ZNF578: variants seen among roughly 807,000 people sequenced by gnomAD.
The protein encoded by ZNF578 is zinc finger protein 578.
ZNF578 carries 8 observed loss-of-function variants against 8.3 expected under a neutral mutation model. The observed-to-expected ratio is 0.96, with a 90% CI of 0.56 to 1.74. ZNF578 has a LOEUF of 1.74. Among genes scored for constraint, ZNF578 ranks in the 40% most tolerant of loss-of-function variants. The pLI is 0.00. For synonymous variants in ZNF578, 206 were observed against 232.2 expected, an observed-to-expected ratio of 0.89 and a Z score of 1.03; for missense variants, 726 against 707.5, an observed-to-expected ratio of 1.03 and a Z score of -0.30.
intron 5 of ZNF578, among the ~76,000 whole-genome samples, chr19:52,505,411 TG>T (rs869289114): frequency 1.3e-5 from 1 of 75,908 alleles, no homozygotes; most frequent in Admixed American, 1.8e-4. Flanking sequence ...GTTCATTTTT[TG>T]TTTGTTTGTT....
At position 52,515,215 on chromosome 19, in the gene ZNF578, C is replaced by T. The variant is rs1399347696; in HGVS notation, c.*3061C>T. 2.6e-5 allele frequency among the ~76,000 whole-genome samples: 4 copies of T among 152,120 alleles called. No homozygotes were observed. Among genetic ancestry groups the T allele is most frequent in the African/African-American group, 9.6e-5 (4 of 41,508 alleles). On this transcript the variant is annotated 3_prime_UTR_variant, in exon 6 of 6. Transcript: ENST00000421239. The stretch of plus-strand genomic sequence containing the variant: ...CTGACTTCAGGTGATCTGCCCACCT[C>T]GACCTCCCAAAATGCTAGGATTACA...
At chr19:52,503,949 C>G (rs1052404827) in intron 4 of ZNF578, among the ~76,000 whole-genome samples, 3 of 151,980 alleles carry the variant, frequency 2.0e-5, no homozygotes, top group Non-Finnish European at 4.4e-5. Context: ...AGGTCCACAC[C>G]ACGACACCCA....
At chr19:52,494,792 GA>G (rs928762579) in intron 3 of ZNF578, among the ~76,000 whole-genome samples, 4 of 150,156 alleles carry the variant, frequency 2.7e-5, no homozygotes, top group South Asian at 2.1e-4. Flanking sequence ...CAGTGATGTG[GA>G]AAAAAAAATC....
intron 2 of ZNF578, among the ~76,000 whole-genome samples, chr19:52,479,811 T>G (rs1329770492): frequency 6.6e-6 from 1 of 152,224 alleles, no homozygotes; most frequent in African/African-American, 2.4e-5. Flanking sequence ...TTAGAAAATG[T>G]GAAAATATTT....
intron 2 of ZNF578, among the ~76,000 whole-genome samples, chr19:52,470,148 T>G (rs1308142778): frequency 6.6e-6 from 1 of 152,128 alleles, no homozygotes; most frequent in Admixed American, 6.5e-5. Context: ...CTTTCAGCCT[T>G]TGTACCTTTT....
intron 3 of ZNF578, among the ~76,000 whole-genome samples, chr19:52,494,098 T>C (rs1029890203): frequency 6.6e-6 from 1 of 150,868 alleles, no homozygotes; most frequent in Non-Finnish European, 1.5e-5. Flanking sequence ...GGGTACAAAA[T>C]GAGCAGAATC....
At position 52,512,306 on chromosome 19, in the gene ZNF578, C is replaced by T. The variant is rs1346418250; in HGVS notation, c.*152C>T. The stretch of plus-strand genomic sequence containing the variant: ...CAAAGCCTTTAGTGACCAGTCAACA[C>T]TTACCATCAGGCCATTCATGGTGTA... On this transcript the variant is annotated 3_prime_UTR_variant, in exon 6 of 6. Coordinates refer to ENST00000421239, the MANE Select transcript of ZNF578 (RefSeq NM_001099694.2). 2 of 1,551,700 alleles carry T rather than the reference C, an allele frequency of 1.3e-6. No individual in the cohort carries two copies. The highest frequency in any genetic ancestry group is 3.3e-5 in the Admixed American group (2 of 59,886).
At chr19:52,461,595 T>A (rs2059258135) in intron 2 of ZNF578, among the ~76,000 whole-genome samples, 1 of 152,186 alleles carries the variant, frequency 6.6e-6, no homozygotes, top group Non-Finnish European at 1.5e-5. Context: ...ACAGATGTTT[T>A]CACACAAAAC....
intron 5 of ZNF578, among the ~76,000 whole-genome samples, chr19:52,507,738 T>C (rs1043985316): frequency 6.6e-6 from 1 of 152,130 alleles, no homozygotes; most frequent in African/African-American, 2.4e-5. Flanking sequence ...ATGAGCTCTT[T>C]ACTGTCTCTT....
intron 2 of ZNF578, among the ~76,000 whole-genome samples, chr19:52,472,545 CCATCATTT>C (rs1389652270): frequency 1.3e-5 from 2 of 152,168 alleles, no homozygotes; most frequent in African/African-American, 2.4e-5. Context: ...GAGGAGGTGG[CCATCATTT>C]CCCCTGGATG....
In ZNF578 at chr19:52,504,761, A is replaced by G. The variant is rs1321300794; in HGVS notation, c.170A>G (p.Tyr57Cys). 1.9e-6 allele frequency: 3 copies of G among 1,614,024 alleles called. No homozygotes were observed. The highest frequency in any genetic ancestry group is 1.7e-6 in the Non-Finnish European group (2 of 1,180,024). ...ALYREVMLEN[Y>C]RNLEAVDISS... ...TACAGGGAAGTGATGTTGGAGAACT[A>G]CAGGAACCTGGAGGCTGTGGGTGAG... Residue 57 changes from tyrosine to cysteine, a missense_variant, in exon 5 of 6, where the codon TAC (tyrosine) becomes TGC (cysteine). Tyr to Cys is a radical substitution (Grantham distance 194). Coordinates refer to ENST00000421239, the MANE Select transcript of ZNF578 (RefSeq NM_001099694.2).
chr19:52,468,081 T>C (rs2059280945), intron 2 of ZNF578, among the ~76,000 whole-genome samples: 1 of 152,140 alleles, frequency 6.6e-6, no homozygotes, highest in Non-Finnish European at 1.5e-5. Context: ...AAGAAATGCA[T>C]GAAACATAGA....
chr19:52,462,852 T>A (rs1036104589), intron 2 of ZNF578, among the ~76,000 whole-genome samples: 2 of 152,180 alleles, frequency 1.3e-5, no homozygotes, highest in Non-Finnish European at 1.5e-5. Context: ...CCTGGGGAAA[T>A]ACAAGCAAAC....
chr19:52,462,547 C>G (rs1246530842), intron 2 of ZNF578, among the ~76,000 whole-genome samples: 1 of 152,182 alleles, frequency 6.6e-6, no homozygotes, highest in Non-Finnish European at 1.5e-5. Context: ...GGGAGACTTA[C>G]CGTCATAGCA....
Position 52,512,120 on chromosome 19 carries a change from T to A in ZNF578, c.1739T>A (p.Ile580Asn). Reference protein sequence around the residue: ...NECGKAHNHLIDSSIKPCMSS With the variant: ...NECGKAHNHLNDSSIKPCMSS Reference sequence around the variant, plus strand: ...TGTGGTAAGGCTCACAATCACTTGATTGATTCATCAATCAAGCCTTGCATG... The same window carrying A: ...TGTGGTAAGGCTCACAATCACTTGAATGATTCATCAATCAAGCCTTGCATG... Residue 580 changes from isoleucine (I) to asparagine (N), a missense_variant, in exon 6 of 6, where the codon ATT (isoleucine) becomes AAT (asparagine). Ile to Asn is a moderately radical substitution (Grantham distance 149). Transcript: ENST00000421239. 6.2e-7 allele frequency: 1 copy of A among 1,613,560 alleles called. No individual in the cohort carries two copies. Among genetic ancestry groups the A allele is most frequent in the Non-Finnish European group, 8.5e-7 (1 of 1,179,772 alleles).
At position 52,516,578 on chromosome 19, in the gene ZNF578, A is replaced by G. The variant is rs326450; in HGVS notation, c.*4424A>G. Among the ~76,000 whole-genome samples the G allele has an allele frequency of 0.034, 5,216 of 152,298 alleles. 278 individuals are homozygous for G. Among genetic ancestry groups the G allele is most frequent in the African/African-American group, 0.12 (4,915 of 41,534 alleles). On this transcript the variant is annotated 3_prime_UTR_variant, in exon 6 of 6. Coordinates refer to ENST00000421239, the MANE Select transcript of ZNF578 (RefSeq NM_001099694.2). ...GGCCTGAAGCAACTGAAGATCCACG[A>G]AAGAAGTGAAAATACCCTTAAGTGA...
chr19:52,466,296 A>AC (rs958257140), intron 2 of ZNF578, among the ~76,000 whole-genome samples: 1 of 152,238 alleles, frequency 6.6e-6, no homozygotes, highest in African/African-American at 2.4e-5. Context: ...AAGTCTGGCC[A>AC]CATTCCATTG....
chr19:52,508,471 A>G (rs1032451292), intron 5 of ZNF578, among the ~76,000 whole-genome samples: 13 of 152,068 alleles, frequency 8.5e-5, no homozygotes, highest in South Asian at 6.2e-4. Context: ...CCCCATCTGC[A>G]GGAACATCCT....
intron 5 of ZNF578, among the ~76,000 whole-genome samples, chr19:52,508,202 G>T (rs1004535666): frequency 1.3e-5 from 2 of 151,966 alleles, no homozygotes; most frequent in African/African-American, 4.8e-5. Flanking sequence ...AAAATTTTCT[G>T]TGCGTGGTGG....
Sources: gnomAD v4.1 joint callset for allele counts (sites outside exome capture counted in the v4.1 genomes callset) on GRCh38, gnomAD v4.1.1 for gene constraint, MANE v1.5 for transcripts, NCBI Gene and HGNC (gene_info 2026-07-23, HGNC 2026-07-21) for gene names.